The following ABRA variants were observed in gnomAD, a reference collection of about 807,000 sequenced individuals.
ABRA encodes actin-binding Rho-activating protein.
In ABRA, 25 loss-of-function variants were observed where a neutral mutation model predicts 33.4. That is an observed-to-expected ratio of 0.75 (90% CI 0.55 to 1.04). The LOEUF (loss-of-function observed/expected upper bound fraction) is 1.04. Among genes scored for constraint, ABRA ranks in the 50% least tolerant of loss-of-function variants. The probability of loss-of-function intolerance (pLI) is 0.00; values close to 1 mark genes in which losing one functional copy is unlikely to be tolerated. For synonymous variants in ABRA, 193 were observed against 176.8 expected (o/e 1.09, Z -0.73); for missense variants, 501 against 491.7 (o/e 1.02, Z -0.18).
intron 1 of ABRA, among the ~76,000 whole-genome samples, chr8:106,765,520 A>T (rs1836205481): frequency 6.6e-6 from 1 of 152,160 alleles, no homozygotes; most frequent in South Asian, 2.1e-4. Flanking sequence ...TTCTAGGAGA[A>T]ATGCTGCATT....
intron 1 of ABRA, among the ~76,000 whole-genome samples, chr8:106,764,572 A>C (rs776140091): frequency 1.3e-5 from 2 of 152,190 alleles, no homozygotes; most frequent in Non-Finnish European, 2.9e-5. Flanking sequence ...GAATCTCTTG[A>C]ATCTGTTAGG....
chr8:106,770,210 C>A lies in ABRA; in HGVS notation c.-20G>T. The stretch of plus-strand genomic sequence containing the variant: ...AGCCATGCTGCCCACCTGTCTTTCT[C>A]TGCTGATAGCCTGGACACTGGCTAA... On this transcript the variant is annotated 5_prime_UTR_variant, in exon 1 of 2. Coordinates refer to ENST00000311955, the MANE Select transcript of ABRA (RefSeq NM_139166.5). The A allele has an allele frequency of 6.3e-7, 1 of 1,587,916 alleles. No homozygotes were observed. The highest frequency in any genetic ancestry group is 1.2e-5 in the South Asian group (1 of 86,806).
chr8:106,769,717 C>T lies in ABRA; in HGVS notation c.474G>A (p.Thr158=), dbSNP rs780271008. The T allele has an allele frequency of 6.2e-6, 10 of 1,614,056 alleles. No homozygotes were observed. Among genetic ancestry groups the T allele is most frequent in the East Asian group, 2.2e-5 (1 of 44,878 alleles). ...CCAGGTTGGCACATTTTCTCCTCCG[C>T]GTTGGGGAGCCGTGGCTGTGGAGGA... is the stretch of plus-strand genomic sequence containing the variant. ...DRILHSHGSP[T]RRRKCANLVS... The change falls in exon 1 of 2, where the codon ACG becomes ACA. Residue 158 remains threonine, a synonymous_variant. Transcript: ENST00000311955.
intron 1 of ABRA, among the ~76,000 whole-genome samples, chr8:106,766,339 C>G (rs570890727): frequency 6.6e-6 from 1 of 152,194 alleles, no homozygotes; most frequent in South Asian, 2.1e-4. Context: ...TTTCTACTAT[C>G]CATGGAACAT....
chr8:106,760,909 A>G lies in ABRA; in HGVS notation c.*128T>C, dbSNP rs1295757313. 7 of 847,574 alleles carry G rather than the reference A, an allele frequency of 8.3e-6. No homozygotes were observed. The highest frequency in any genetic ancestry group is 1.3e-5 in the Non-Finnish European group (7 of 533,320). 52.5% of individuals were successfully genotyped at this position (847,574 alleles called of 1,614,324 possible). A position where few individuals can be genotyped will look rare whatever the true frequency, so the allele number is the denominator to read the frequency against. On this transcript the variant is annotated 3_prime_UTR_variant, in exon 2 of 2. Coordinates refer to ENST00000311955, the MANE Select transcript of ABRA (RefSeq NM_139166.5). ...TCTAGATAGAAATAGAATGCCAGAA[A>G]GTCGTTTATGTAAAAATTGTTTAAT...
rs1836123955 is a variant in ABRA, at chr8:106,760,820, C to T, written c.*217G>A. 3.6e-6 allele frequency: 2 copies of T among 562,122 alleles called. No homozygotes were observed. Among genetic ancestry groups the T allele is most frequent in the South Asian group, 2.3e-5 (1 of 42,690 alleles). 34.8% of individuals were successfully genotyped at this position (562,122 alleles called of 1,614,324 possible). A position where few individuals can be genotyped will look rare whatever the true frequency, so the allele number is the denominator to read the frequency against. On this transcript the variant is annotated 3_prime_UTR_variant, in exon 2 of 2. Transcript: ENST00000311955. ...TTCAACTATTAATACTATTATTATA[C>T]ATTAACATTCTATGTGCTTTCTGAA...
Position 106,769,659 on chromosome 8 carries a change from C to T in ABRA, c.532G>A (p.Glu178Lys). Residue 178 changes from glutamate to lysine, a missense_variant, in exon 1 of 2, where the codon GAG becomes AAG. Physicochemically the swap from Glu to Lys is moderately conservative, Grantham distance 56. Coordinates refer to ENST00000311955, the MANE Select transcript of ABRA (RefSeq NM_139166.5). ...CTCCTCCATGTGGGCTCCTCCTGCT[C>T]CATCACTCTCCAGCCCTTGGTTAGC... ...SELTKGWRVMEQEEPTWRSDS... is the reference protein window; with the variant it reads ...SELTKGWRVMKQEEPTWRSDS... 2.5e-6 allele frequency: 4 copies of T among 1,614,150 alleles called. No individual in the cohort carries two copies. Among genetic ancestry groups the T allele is most frequent in the Non-Finnish European group, 3.4e-6 (4 of 1,180,034 alleles).
At chr8:106,768,064 C>T (rs1410564025) in intron 1 of ABRA, among the ~76,000 whole-genome samples, 27 of 148,774 alleles carry the variant, frequency 1.8e-4, no homozygotes, top group Admixed American at 1.8e-3. Context: ...CACTGTACTC[C>T]AGCCTGGGCA....
Position 106,760,817 on chromosome 8 carries a change from A to G in ABRA, c.*220T>C, listed in dbSNP as rs565856655. 8 of 553,598 alleles carry G rather than the reference A, an allele frequency of 1.4e-5. No homozygotes were observed. Among genetic ancestry groups the G allele is most frequent in the East Asian group, 1.2e-4 (4 of 33,174 alleles). The allele number at this position is 553,598 out of a possible 1,614,324, so 34.3% of individuals were successfully genotyped here. On this transcript the variant is annotated 3_prime_UTR_variant, in exon 2 of 2. Transcript: ENST00000311955. ...AATTTCAACTATTAATACTATTATT[A>G]TACATTAACATTCTATGTGCTTTCT...
In ABRA at chr8:106,760,967, TCATTTTACCTA is replaced by T. The variant is rs1482758859; in HGVS notation, c.*59_*69del. ...AACTTATTACAGAGAGTTTGCATTT[TCATTTTACCTA>T]CATGAGCATTTAGCATTAAGACCAT... is the stretch of plus-strand genomic sequence containing the variant. On this transcript the variant is annotated 3_prime_UTR_variant, in exon 2 of 2. Coordinates refer to ENST00000311955, the MANE Select transcript of ABRA (RefSeq NM_139166.5). 8.7e-6 allele frequency: 12 copies of T among 1,376,964 alleles called. No homozygotes were observed. Among genetic ancestry groups the T allele is most frequent in the Non-Finnish European group, 1.2e-5 (12 of 997,540 alleles). 85.3% of individuals were successfully genotyped at this position (1,376,964 alleles called of 1,614,324 possible).
intron 1 of ABRA, among the ~76,000 whole-genome samples, chr8:106,764,988 T>C (rs1836194987): frequency 6.6e-6 from 1 of 152,202 alleles, no homozygotes; most frequent in Non-Finnish European, 1.5e-5. Context: ...GTAAGTACTA[T>C]AAATGTAAGA....
intron 1 of ABRA, among the ~76,000 whole-genome samples, chr8:106,767,701 G>A (rs186640240): frequency 8.1e-4 from 124 of 152,294 alleles, no homozygotes; most frequent in African/African-American, 2.6e-3. Flanking sequence ...CACTGAACAC[G>A]TGACAGATTA....
At chr8:106,769,414 G>C in intron 1 of ABRA, 109 bp downstream of exon 1, 1 of 1,443,440 alleles carries the variant, frequency 6.9e-7, no homozygotes, top group Non-Finnish European at 9.4e-7. Flanking sequence ...CAGTCTTTGA[G>C]ATTCTCACTC....
chr8:106,764,118 T>C lies in ABRA; in HGVS notation c.669-2604A>G, dbSNP rs184661356. Among the ~76,000 whole-genome samples the C allele has an allele frequency of 3.9e-5, 6 of 152,358 alleles. No homozygotes were observed. In the East Asian group the frequency reaches 1.2e-3, roughly 29 times the overall value. ...AGATAGCAGTTGGTTCTTTTCACTT[T>C]TCAAAATTCTCTTATATGTTGGTAT... is the stretch of plus-strand genomic sequence containing the variant. On this transcript the variant is annotated intron_variant, in intron 1 of 1. Coordinates refer to ENST00000311955, the MANE Select transcript of ABRA (RefSeq NM_139166.5).
In ABRA at chr8:106,768,181, A is replaced by C. The variant is rs781016652; in HGVS notation, c.668+1342T>G. On this transcript the variant is annotated intron_variant, in intron 1 of 1. Transcript: ENST00000311955. ...CTTATTGTTTCATAAGACTTGAAAA[A>C]CACACTTGCACATCAAACTGTCCCC... Among the ~76,000 whole-genome samples the C allele has an allele frequency of 2.0e-4, 31 of 152,276 alleles. 1 individual carries two copies. The South Asian group carries it at 4.6e-3, about 22-fold the overall frequency.
rs1205566590 is a variant in ABRA, at chr8:106,770,226, C to A, written c.-36G>T. 1 of 1,570,974 alleles carries A rather than the reference C, an allele frequency of 6.4e-7. No individual in the cohort carries two copies. The highest frequency in any genetic ancestry group is 1.7e-5 in the Admixed American group (1 of 57,530). On this transcript the variant is annotated 5_prime_UTR_variant, in exon 1 of 2. Coordinates refer to ENST00000311955, the MANE Select transcript of ABRA (RefSeq NM_139166.5). ...TGTCTTTCTCTGCTGATAGCCTGGACACTGGCTAAAATGAGTGTGGTCCAG... is the reference window on the plus strand; with the variant it reads ...TGTCTTTCTCTGCTGATAGCCTGGAAACTGGCTAAAATGAGTGTGGTCCAG...
rs1184766310 is a variant in ABRA at position 106,760,327 on chromosome 8, T to C, written c.*710A>G. Reference sequence around the variant, plus strand: ...AATCAAACAAGAGGAAGGTGAACTCTTACTGGAAACCTGTTAGAATCCAAG... The same window carrying C: ...AATCAAACAAGAGGAAGGTGAACTCCTACTGGAAACCTGTTAGAATCCAAG... On this transcript the variant is annotated 3_prime_UTR_variant, in exon 2 of 2. Coordinates refer to ENST00000311955, the MANE Select transcript of ABRA (RefSeq NM_139166.5). 1.3e-5 allele frequency: 2 copies of C among 152,304 alleles called. No homozygotes were observed. The highest frequency in any genetic ancestry group is 3.9e-4 in the East Asian group (2 of 5,182). The allele number at this position is 152,304 out of a possible 1,614,324, so 9.4% of individuals were successfully genotyped here.
At chr8:106,768,199 C>T (rs1321561406) in intron 1 of ABRA, among the ~76,000 whole-genome samples, 1 of 151,830 alleles carries the variant, frequency 6.6e-6, no homozygotes, top group African/African-American at 2.4e-5. Flanking sequence ...GCACATCAAA[C>T]TGTCCCCAAA....
rs1836123706 is a variant in ABRA, at chr8:106,760,809, C to T, written c.*228G>A. The T allele has an allele frequency of 3.8e-6, 2 of 525,186 alleles. No homozygotes were observed. The highest frequency in any genetic ancestry group is 6.7e-6 in the Non-Finnish European group (2 of 297,800). 32.5% of individuals were successfully genotyped at this position (525,186 alleles called of 1,614,324 possible). A position where few individuals can be genotyped will look rare whatever the true frequency, so the allele number is the denominator to read the frequency against. The stretch of plus-strand genomic sequence containing the variant: ...CCCTGTGGAATTTCAACTATTAATA[C>T]TATTATTATACATTAACATTCTATG... On this transcript the variant is annotated 3_prime_UTR_variant, in exon 2 of 2. Coordinates refer to ENST00000311955, the MANE Select transcript of ABRA (RefSeq NM_139166.5).
Sources: allele counts gnomAD v4.1 joint callset (sites outside exome capture counted in the v4.1 genomes callset), GRCh38; gene constraint gnomAD v4.1.1; transcripts MANE v1.5; gene names NCBI Gene and HGNC (gene_info 2026-07-23, HGNC 2026-07-21).